MARCHF1: variants seen among roughly 807,000 people sequenced by gnomAD.
The protein encoded by MARCHF1 is membrane associated ring-CH-type finger 1.
MARCHF1 carries 40 observed loss-of-function variants against 54.2 expected under a neutral mutation model. The ratio of observed to expected loss-of-function variants is 0.74; its 90% CI spans 0.57 to 0.96. The LOEUF is 0.96. Ranked by LOEUF, MARCHF1 falls within the 40% of genes least tolerant of loss-of-function variation. MARCHF1 has a pLI of 0.00. For synonymous variants in MARCHF1, 236 were observed against 236.3 expected (o/e 1.00, Z 0.01); for missense variants, 586 against 656.5 (o/e 0.89, Z 1.17).
At chr4:163,798,936 T>C (rs1748000035) in intron 4 of MARCHF1, among the ~76,000 whole-genome samples, 1 of 152,108 alleles carries the variant, frequency 6.6e-6, no homozygotes, top group South Asian at 2.1e-4. Context: ...GCACTGTCCA[T>C]GCATATTATC....
At chr4:164,020,257 C>T (rs1460816332) in intron 2 of MARCHF1, among the ~76,000 whole-genome samples, 1 of 152,060 alleles carries the variant, frequency 6.6e-6, no homozygotes. Context: ...TTGTCTAGAG[C>T]TGGCAGTTGA....
chr4:164,377,324 G>A (rs557279711), intron 1 of MARCHF1, among the ~76,000 whole-genome samples: 2 of 152,106 alleles, frequency 1.3e-5, no homozygotes, highest in South Asian at 2.1e-4. Context: ...CTAGAAATAC[G>A]TTCTGAGTTT....
At chr4:163,844,323 G>C (rs147231909) in intron 4 of MARCHF1, among the ~76,000 whole-genome samples, 5 of 152,062 alleles carry the variant, frequency 3.3e-5, no homozygotes, top group Non-Finnish European at 7.4e-5. Context: ...CTGGATATTA[G>C]ACTTTTGTTG....
chr4:163,917,692 TG>T (rs1751340377), intron 3 of MARCHF1, among the ~76,000 whole-genome samples: 1 of 152,132 alleles, frequency 6.6e-6, no homozygotes, highest in Non-Finnish European at 1.5e-5. Flanking sequence ...ATATGTGCCA[TG>T]GTGGTTTGCT....
intron 5 of MARCHF1, among the ~76,000 whole-genome samples, chr4:163,674,105 C>T (rs1010149573): frequency 6.6e-6 from 1 of 152,162 alleles, no homozygotes; most frequent in African/African-American, 2.4e-5. Context: ...TTCAGACAAT[C>T]CTTACTTTCC....
At chr4:164,142,302 A>G (rs942310191) in intron 1 of MARCHF1, among the ~76,000 whole-genome samples, 5 of 152,240 alleles carry the variant, frequency 3.3e-5, no homozygotes, top group African/African-American at 1.2e-4. Flanking sequence ...TGGAAGCTCA[A>G]ACTGGGTGGA....
At chr4:164,243,454 G>A (rs1732840184) in intron 1 of MARCHF1, among the ~76,000 whole-genome samples, 2 of 139,408 alleles carry the variant, frequency 1.4e-5, no homozygotes, top group Non-Finnish European at 1.7e-5. Context: ...CACCAGGAAG[G>A]AAGCACTAAA....
At chr4:163,639,662 C>T (rs2111028713) in intron 5 of MARCHF1, among the ~76,000 whole-genome samples, 1 of 152,194 alleles carries the variant, frequency 6.6e-6, no homozygotes, top group Non-Finnish European at 1.5e-5. Flanking sequence ...AAAAATCTTC[C>T]CTGCTTGTCT....
chr4:163,846,293 G>C (rs538098163), intron 4 of MARCHF1, among the ~76,000 whole-genome samples: 1 of 152,190 alleles, frequency 6.6e-6, no homozygotes, highest in African/African-American at 2.4e-5. Flanking sequence ...AAGAAATAAG[G>C]GTGAGTCTGT....
intron 1 of MARCHF1, among the ~76,000 whole-genome samples, chr4:164,261,173 C>T (rs928720736): frequency 3.3e-5 from 5 of 152,116 alleles, no homozygotes; most frequent in Non-Finnish European, 7.4e-5. Flanking sequence ...TCAGGCAGCC[C>T]AGCCCTACCA....
chr4:163,591,135 T>C (rs1447900573), intron 7 of MARCHF1, among the ~76,000 whole-genome samples: 3 of 151,920 alleles, frequency 2.0e-5, no homozygotes, highest in Non-Finnish European at 4.4e-5. Flanking sequence ...CTATGACCAC[T>C]ATTGTCCCAT....
At chr4:163,565,225 C>A (rs138718645) in intron 8 of MARCHF1, among the ~76,000 whole-genome samples, 53 of 152,302 alleles carry the variant, frequency 3.5e-4, no homozygotes, top group African/African-American at 1.2e-3. Flanking sequence ...CTATGGGGTT[C>A]TTTTAACTTT....
chr4:163,559,004 C>T (rs202204526), intron 8 of MARCHF1, among the ~76,000 whole-genome samples: 1 of 152,132 alleles, frequency 6.6e-6, no homozygotes, highest in Non-Finnish European at 1.5e-5. Flanking sequence ...AAAATGTTCC[C>T]GTACAGTCCA....
chr4:164,049,838 G>T (rs1416868506), intron 2 of MARCHF1, among the ~76,000 whole-genome samples: 1 of 152,068 alleles, frequency 6.6e-6, no homozygotes, highest in Non-Finnish European at 1.5e-5. Context: ...TATGAGGCAG[G>T]CATATATTTA....
At chr4:164,021,079 CTTTTTTT>C (rs58872172) in intron 2 of MARCHF1, among the ~76,000 whole-genome samples, 2 of 141,670 alleles carry the variant, frequency 1.4e-5, no homozygotes, top group Non-Finnish European at 1.5e-5. Flanking sequence ...ATTTCTGTCC[CTTTTTTT>C]TTTTTTTTTT....
intron 5 of MARCHF1, among the ~76,000 whole-genome samples, chr4:163,649,661 C>G (rs1027298890): frequency 6.6e-6 from 1 of 151,636 alleles, no homozygotes; most frequent in African/African-American, 2.4e-5. Context: ...ACAGAACACA[C>G]AAAAAAAACC....
intron 1 of MARCHF1, among the ~76,000 whole-genome samples, chr4:164,365,986 C>T (rs2110940512): frequency 6.6e-6 from 1 of 152,036 alleles, no homozygotes; most frequent in African/African-American, 2.4e-5. Context: ...CTCTGAAACG[C>T]ACACATTGCA....
At chr4:164,177,123 C>T (rs1338874831) in intron 1 of MARCHF1, among the ~76,000 whole-genome samples, 7 of 151,096 alleles carry the variant, frequency 4.6e-5, no homozygotes, top group African/African-American at 7.3e-5. Flanking sequence ...TAGTTTCAAT[C>T]GTACTGCAGT....
rs575886124 is a variant in MARCHF1 at position 163,638,314 on chromosome 4, G to A, written c.163-24921C>T. On this transcript the variant is annotated intron_variant, in intron 5 of 9. Transcript: ENST00000514618. ...GAGGTGGGGCTGGTGAAAAACGTAT[G>A]GATCATGGGGAGGATTCCTCATGAA... Among the ~76,000 whole-genome samples the A allele has an allele frequency of 6.6e-5, 10 of 151,928 alleles. No individual in the cohort carries two copies. In the South Asian group the frequency reaches 2.1e-3, roughly 32 times the overall value.
Sources: allele counts gnomAD v4.1 joint callset (sites outside exome capture counted in the v4.1 genomes callset), GRCh38; gene constraint gnomAD v4.1.1; transcripts MANE v1.5; gene names NCBI Gene and HGNC (gene_info 2026-07-23, HGNC 2026-07-21).